Variants in RPS6KA1 observed in about 807,000 individuals in gnomAD.
RPS6KA1 encodes ribosomal protein S6 kinase alpha-1.
Under a neutral mutation model 91.3 loss-of-function variants are expected in RPS6KA1, and 48 were observed. That is an observed-to-expected ratio of 0.53 (90% CI 0.42 to 0.67). The LOEUF (loss-of-function observed/expected upper bound fraction) is 0.67. Among genes scored for constraint, RPS6KA1 ranks in the 30% least tolerant of loss-of-function variants. The probability of loss-of-function intolerance (pLI) is 0.00; values close to 1 mark genes in which losing one functional copy is unlikely to be tolerated. For missense variants in RPS6KA1, 719 were observed against 960.5 expected (o/e 0.75, Z 3.32); for synonymous variants, 359 against 384.7 (o/e 0.93, Z 0.78).
intron 1 of RPS6KA1, 109 bp downstream of exon 1, chr1:26,530,092 G>C (rs2075857324): frequency 1.6e-6 from 1 of 632,172 alleles, no homozygotes; most frequent in Non-Finnish European, 2.2e-6. Context: ...CCGCGAGGGC[G>C]CGAGTGCCCT....
rs1179776460 is a variant in RPS6KA1, at chr1:26,558,916, A to G, written c.1194A>G (p.Ala398=). The G allele has an allele frequency of 6.2e-7, 1 of 1,612,344 alleles. No individual in the cohort carries two copies. The highest frequency in any genetic ancestry group is 1.1e-5 in the South Asian group (1 of 90,966). The change falls in exon 14 of 22, where the codon GCA becomes GCG. Residue 398 remains alanine, a synonymous_variant. Transcript: ENST00000374168. This position sits in a 1 kb window ranked among gnomAD's most constrained non-coding sequence, Gnocchi z 4.0. ...EDDGKPRAPQ[A]PLHSVVQQLH... ...ACGGCAAGCCTCGTGCCCCGCAGGC[A>G]CCCCTGCACTCGGTGGTACAGGTGA...
At chr1:26,541,006 T>A (rs1570424119) in intron 2 of RPS6KA1, among the ~76,000 whole-genome samples, 1 of 151,884 alleles carries the variant, frequency 6.6e-6, no homozygotes, top group Admixed American at 6.6e-5. Context: ...GTCAGGCTGG[T>A]CTCGAACTCC....
Position 26,551,549 on chromosome 1 carries a change from C to G in RPS6KA1, c.388+72C>G. 2 of 1,599,218 alleles carry G rather than the reference C, an allele frequency of 1.3e-6. No individual in the cohort carries two copies. The highest frequency in any genetic ancestry group is 1.7e-6 in the Non-Finnish European group (2 of 1,166,578). On this transcript the variant is annotated intron_variant, in intron 5 of 21. Transcript: ENST00000374168. This position sits in a 1 kb window ranked among gnomAD's most constrained non-coding sequence, Gnocchi z 4.5. ...CCCTTGCCTGTGGTCTGTACACTGT[C>G]CCACCGCCTGCCTGGCAGGCCAAGG...
At chr1:26,552,636 G>A (rs528632808) in intron 6 of RPS6KA1, among the ~76,000 whole-genome samples, 5 of 151,326 alleles carry the variant, frequency 3.3e-5, no homozygotes, top group South Asian at 4.2e-4. Flanking sequence ...ACAGGTGCAC[G>A]CCACCACGCC....
chr1:26,571,517 G>A lies in RPS6KA1; in HGVS notation c.1659G>A (p.Leu553=). 6.2e-7 allele frequency: 1 copy of A among 1,614,216 alleles called. No individual in the cohort carries two copies. Among genetic ancestry groups the A allele is most frequent in the Non-Finnish European group, 8.5e-7 (1 of 1,180,032 alleles). The change falls in exon 18 of 22, where the codon CTG becomes CTA. Residue 553 remains leucine, a synonymous_variant. Coordinates refer to ENST00000374168, the MANE Select transcript of RPS6KA1 (RefSeq NM_002953.4). The surrounding 1 kb of genome is among the most constrained non-coding windows in gnomAD (Gnocchi z 5.1). ...ACGAGTCCGGGAATCCCGAGTGCCT[G>A]CGCATCTGTGACTTTGGTTTTGCCA... ...YVDESGNPEC[L]RICDFGFAKQ...
intron 11 of RPS6KA1, 45 bp from the exon 12 acceptor site, chr1:26,556,609 G>C (rs143919297): frequency 1.4e-5 from 22 of 1,605,780 alleles, no homozygotes; most frequent in Middle Eastern, 3.3e-4. Flanking sequence ...TAATATCTGG[G>C]ACTTGTGCCA....
chr1:26,540,297 A>C lies in RPS6KA1; in HGVS notation c.108+3328A>C, dbSNP rs2075937321. Among the ~76,000 whole-genome samples the C allele has an allele frequency of 6.6e-6, 1 of 152,204 alleles. No homozygotes were observed. The highest frequency in any genetic ancestry group is 1.5e-5 in the Non-Finnish European group (1 of 68,038). ...GAAACCGAGGTTCAGACAGGGAAAC[A>C]GATTTGCCCGGGAGCACCCAGCTAG... is the stretch of plus-strand genomic sequence containing the variant. On this transcript the variant is annotated intron_variant, in intron 2 of 21. Coordinates refer to ENST00000374168, the MANE Select transcript of RPS6KA1 (RefSeq NM_002953.4). The surrounding 1 kb of genome is among the most constrained non-coding windows in gnomAD (Gnocchi z 4.2).
At position 26,555,725 on chromosome 1, in the gene RPS6KA1, G is replaced by C. The variant is rs2076095295; in HGVS notation, c.916+100G>C. Reference sequence around the variant, plus strand: ...CACATCTGGGCTGAAAGGGGCCGTTGTCCTTTGTGTGGGCAGACAATGCCG... The same window carrying C: ...CACATCTGGGCTGAAAGGGGCCGTTCTCCTTTGTGTGGGCAGACAATGCCG... On this transcript the variant is annotated intron_variant, in intron 11 of 21. Transcript: ENST00000374168. The surrounding 1 kb of genome is among the most constrained non-coding windows in gnomAD (Gnocchi z 4.3). 8.4e-7 allele frequency: 1 copy of C among 1,184,656 alleles called. No homozygotes were observed. The highest frequency in any genetic ancestry group is 1.5e-5 in the African/African-American group (1 of 65,744). 73.4% of individuals were successfully genotyped at this position (1,184,656 alleles called of 1,614,324 possible).
intron 15 of RPS6KA1, 59 bp downstream of exon 15, chr1:26,560,910 G>A (rs1355862842): frequency 6.2e-7 from 1 of 1,612,052 alleles, no homozygotes; most frequent in Non-Finnish European, 8.5e-7. Context: ...GTCCCCGTCT[G>A]GTGGGGAGGG....
At chr1:26,537,211 G>T (rs905317459) in intron 2 of RPS6KA1, among the ~76,000 whole-genome samples, 1 of 152,230 alleles carries the variant, frequency 6.6e-6, no homozygotes, top group African/African-American at 2.4e-5. Flanking sequence ...TCAGGGCTCT[G>T]GTTACCTGTC....
At chr1:26,556,810 G>A in intron 12 of RPS6KA1, 92 bp downstream of exon 12, 2 of 1,473,860 alleles carry the variant, frequency 1.4e-6, no homozygotes, top group South Asian at 1.1e-5. Flanking sequence ...TGCCAGCGAG[G>A]GCCCCAGACG....
rs776080395 is a variant in RPS6KA1, at chr1:26,543,945, G to GTCT, written c.109-2920_109-2918dup. The stretch of plus-strand genomic sequence containing the variant: ...CAGCTACTGTCTGGGTCCCCCTCAG[G>GTCT]TCTTGGCATAGGAGGAAAATCCTAG... On this transcript the variant is annotated intron_variant, in intron 2 of 21. Transcript: ENST00000374168. The GTCT allele has an allele frequency of 1.3e-3, 528 of 400,530 alleles. 3 individuals are homozygous for GTCT. The highest frequency in any genetic ancestry group is 5.1e-3 in the Middle Eastern group (8 of 1,576). The allele number at this position is 400,530 out of a possible 1,614,324, so 24.8% of individuals were successfully genotyped here.
chr1:26,545,841 C>T, intron 2 of RPS6KA1: 1 of 1,492,664 alleles, frequency 6.7e-7, no homozygotes, highest in East Asian at 2.6e-5. Context: ...TCCCGGCCAC[C>T]ACTGCGGCAG....
Position 26,574,705 on chromosome 1 carries a change from C to A in RPS6KA1, c.*504C>A. 2.9e-6 allele frequency: 1 copy of A among 340,888 alleles called. No homozygotes were observed. Among genetic ancestry groups the A allele is most frequent in the South Asian group, 2.2e-5 (1 of 44,652 alleles). The allele number at this position is 340,888 out of a possible 1,614,324, so 21.1% of individuals were successfully genotyped here. A position where few individuals can be genotyped will look rare whatever the true frequency, so the allele number is the denominator to read the frequency against. On this transcript the variant is annotated 3_prime_UTR_variant, in exon 22 of 22. Coordinates refer to ENST00000374168, the MANE Select transcript of RPS6KA1 (RefSeq NM_002953.4). The surrounding 1 kb of genome is among the most constrained non-coding windows in gnomAD (Gnocchi z 4.3). ...GAACTCATTCTATCCCCAATCAGCT[C>A]CTTTTCCGTTCTGTTCTGCTGGGAG...
Position 26,574,404 on chromosome 1 carries a change from C to T in RPS6KA1, c.*203C>T, listed in dbSNP as rs2076278593. ...TGGACTCTTCTCGGCTCAGGCTCTG[C>T]TGGTGGAAAGCGATTCACTGTATAA... On this transcript the variant is annotated 3_prime_UTR_variant, in exon 22 of 22. Transcript: ENST00000374168. The surrounding 1 kb of genome is among the most constrained non-coding windows in gnomAD (Gnocchi z 4.3). 1.3e-6 allele frequency: 1 copy of T among 785,974 alleles called. No homozygotes were observed. Among genetic ancestry groups the T allele is most frequent in the Non-Finnish European group, 2.3e-6 (1 of 427,788 alleles). The allele number at this position is 785,974 out of a possible 1,614,324, so 48.7% of individuals were successfully genotyped here.
In RPS6KA1 at chr1:26,561,456, C is replaced by T. The variant is rs756113553; in HGVS notation, c.1432-49C>T. On this transcript the variant is annotated intron_variant, in intron 16 of 21. Coordinates refer to ENST00000374168, the MANE Select transcript of RPS6KA1 (RefSeq NM_002953.4). This position sits in a 1 kb window ranked among gnomAD's most constrained non-coding sequence, Gnocchi z 5.7. ...CTCTGGGGCGCTGCTGACCAGGGGGCTCAGGCCTGACACTGGGGAGAAGAG... is the reference window on the plus strand; with the variant it reads ...CTCTGGGGCGCTGCTGACCAGGGGGTTCAGGCCTGACACTGGGGAGAAGAG... 1.6e-5 allele frequency: 25 copies of T among 1,611,648 alleles called. No individual in the cohort carries two copies. The highest frequency in any genetic ancestry group is 2.1e-5 in the Non-Finnish European group (25 of 1,177,972).
At chr1:26,556,886 G>C in intron 12 of RPS6KA1, 112 bp from the exon 13 acceptor site, 3 of 1,162,968 alleles carry the variant, frequency 2.6e-6, no homozygotes, top group Non-Finnish European at 3.8e-6. Flanking sequence ...AAGCAATTCC[G>C]AGAGCTGGGC....
At chr1:26,563,855 G>T (rs1375565318) in intron 17 of RPS6KA1, among the ~76,000 whole-genome samples, 1 of 152,200 alleles carries the variant, frequency 6.6e-6, no homozygotes, top group Admixed American at 6.5e-5. Flanking sequence ...GAGCATGGTG[G>T]CTTATGCCTG....
At chr1:26,560,593 T>G in intron 14 of RPS6KA1, 133 bp from the exon 15 acceptor site, 1 of 1,142,114 alleles carries the variant, frequency 8.8e-7, no homozygotes. Flanking sequence ...TGCGGTCACA[T>G]GGCCAACACT....
Sources: gnomAD v4.1 joint callset for allele counts (sites outside exome capture counted in the v4.1 genomes callset) on GRCh38, gnomAD v4.1.1 for gene constraint, Gnocchi (gnomAD v3.1) non-coding constraint, MANE v1.5 for transcripts, NCBI Gene and HGNC (gene_info 2026-07-23, HGNC 2026-07-21) for gene names.